The following SMYD3 variants were observed in gnomAD, a reference collection of about 807,000 sequenced individuals.
SMYD3 encodes the protein histone-lysine N-methyltransferase SMYD3.
SMYD3 carries 36 observed loss-of-function variants against 57.7 expected under a neutral mutation model. The observed-to-expected ratio is 0.62, with a 90% CI of 0.48 to 0.82. The LOEUF (loss-of-function observed/expected upper bound fraction) is 0.82. Among genes scored for constraint, SMYD3 ranks in the 40% least tolerant of loss-of-function variants. The probability of loss-of-function intolerance (pLI) is 0.00; values close to 1 mark genes in which losing one functional copy is unlikely to be tolerated. For missense variants in SMYD3, 515 were observed against 538.8 expected (o/e 0.96, Z 0.44); for synonymous variants, 211 against 195.0 (o/e 1.08, Z -0.68).
At chr1:246,266,490 T>A (rs536652414) in intron 5 of SMYD3, among the ~76,000 whole-genome samples, 82 of 152,206 alleles carry the variant, frequency 5.4e-4, no homozygotes, top group Non-Finnish European at 9.8e-4. Flanking sequence ...GTTCCAACGG[T>A]ACCTGGTACA....
chr1:245,974,556 C>CTATGTTATTGTGA (rs1389914869), intron 5 of SMYD3, among the ~76,000 whole-genome samples: 1 of 34,396 alleles, frequency 2.9e-5, no homozygotes, highest in African/African-American at 1.3e-4. Flanking sequence ...CGTCTCCGGC[C>CTATGTTATTGTGA]CAGGGAAAGC....
chr1:245,809,995 A>G (rs1430518853), intron 10 of SMYD3, among the ~76,000 whole-genome samples: 2 of 152,316 alleles, frequency 1.3e-5, no homozygotes, highest in South Asian at 2.1e-4. Context: ...TGGAGCCAAG[A>G]TTTTGGTTTC....
chr1:246,301,469 G>T (rs1216727931), intron 5 of SMYD3, among the ~76,000 whole-genome samples: 1 of 152,094 alleles, frequency 6.6e-6, no homozygotes, highest in East Asian at 1.9e-4. Context: ...AGTGGGAATG[G>T]TTTTCAGGTA....
chr1:246,199,503 T>C (rs993157560), intron 5 of SMYD3, among the ~76,000 whole-genome samples: 1 of 152,234 alleles, frequency 6.6e-6, no homozygotes, highest in African/African-American at 2.4e-5. Context: ...CAGGCTATTT[T>C]AAGTTTTGTT....
chr1:246,232,080 A>G (rs1409497759), intron 5 of SMYD3, among the ~76,000 whole-genome samples: 2 of 152,200 alleles, frequency 1.3e-5, no homozygotes, highest in Non-Finnish European at 2.9e-5. Flanking sequence ...ATAGTTTTTA[A>G]TGCAAATGAG....
chr1:245,822,225 T>G (rs1486551558), intron 10 of SMYD3, among the ~76,000 whole-genome samples: 1 of 151,872 alleles, frequency 6.6e-6, no homozygotes, highest in African/African-American at 2.4e-5. Flanking sequence ...CCATACAAAA[T>G]GATGAGTTCA....
intron 1 of SMYD3, among the ~76,000 whole-genome samples, chr1:246,454,030 C>A (rs1268977902): frequency 6.6e-5 from 10 of 152,048 alleles, no homozygotes; most frequent in Non-Finnish European, 1.5e-5. Flanking sequence ...TTAGGTAATA[C>A]GTGAAGAAAT....
At chr1:246,417,393 G>GT (rs1187386637) in intron 1 of SMYD3, 2 of 152,088 alleles carry the variant, frequency 1.3e-5, no homozygotes, top group Non-Finnish European at 2.9e-5. Context: ...AGGAGGGGAG[G>GT]TATCTCTCAA....
At chr1:246,106,128 A>G (rs1299445867) in intron 5 of SMYD3, among the ~76,000 whole-genome samples, 5 of 152,202 alleles carry the variant, frequency 3.3e-5, no homozygotes, top group African/African-American at 9.7e-5. Context: ...GTGCCTATTC[A>G]TGGAACCATG....
intron 5 of SMYD3, among the ~76,000 whole-genome samples, chr1:246,063,764 C>T (rs1004452258): frequency 6.6e-6 from 1 of 152,020 alleles, no homozygotes; most frequent in African/African-American, 2.4e-5. Context: ...CTCAGCCTCC[C>T]GAGTAGCTGG....
chr1:245,858,439 C>G, intron 10 of SMYD3, 57 bp downstream of exon 10: 1 of 1,519,364 alleles, frequency 6.6e-7, no homozygotes, highest in South Asian at 1.3e-5. Context: ...AACATGGATC[C>G]TTTGCCCAAC....
intron 2 of SMYD3, among the ~76,000 whole-genome samples, chr1:246,346,695 T>C (rs952910334): frequency 4.6e-5 from 7 of 152,090 alleles, no homozygotes. Flanking sequence ...GATTCAATTA[T>C]CTCCACCTGG....
intron 5 of SMYD3, among the ~76,000 whole-genome samples, chr1:246,088,492 C>A (rs1265700587): frequency 7.7e-6 from 1 of 130,288 alleles, no homozygotes; most frequent in Non-Finnish European, 1.5e-5. Flanking sequence ...CGCCTGTAGT[C>A]CCAGCTACTC....
intron 10 of SMYD3, among the ~76,000 whole-genome samples, chr1:245,802,920 GT>G (rs1179362708): frequency 6.6e-6 from 1 of 152,144 alleles, no homozygotes; most frequent in African/African-American, 2.4e-5. Context: ...GTCTTCTCTA[GT>G]TCTGAAATTC....
rs959068807 is a variant in SMYD3, at chr1:246,204,517, A to T, written c.531+122684T>A. Among the ~76,000 whole-genome samples the T allele has an allele frequency of 3.9e-5, 6 of 152,006 alleles. No homozygotes were observed. In the East Asian group the frequency reaches 9.7e-4, roughly 25 times the overall value. ...TTAACTCTTTCTTTAGAACAACCCAATGAAATGGAGGAATGATAAATCAAA... is the reference window on the plus strand; with the variant it reads ...TTAACTCTTTCTTTAGAACAACCCATTGAAATGGAGGAATGATAAATCAAA... On this transcript the variant is annotated intron_variant, in intron 5 of 11. Coordinates refer to ENST00000490107, the MANE Select transcript of SMYD3 (RefSeq NM_001167740.2).
At chr1:246,382,007 T>C (rs2066395048) in intron 1 of SMYD3, among the ~76,000 whole-genome samples, 26 of 132,316 alleles carry the variant, frequency 2.0e-4, no homozygotes, top group African/African-American at 5.6e-4. Context: ...TCCAGGTCAG[T>C]TCCTGTAGCC....
intron 10 of SMYD3, among the ~76,000 whole-genome samples, chr1:245,847,781 G>T (rs370901993): frequency 6.6e-6 from 1 of 152,158 alleles, no homozygotes; most frequent in East Asian, 1.9e-4. Context: ...TATCAGGAAA[G>T]TCAAAGTGCT....
intron 1 of SMYD3, among the ~76,000 whole-genome samples, chr1:246,427,117 G>C (rs2067230315): frequency 6.6e-6 from 1 of 152,112 alleles, no homozygotes; most frequent in South Asian, 2.1e-4. Context: ...AAGAAGGAAA[G>C]AAGCTAGCTA....
At chr1:246,109,826 C>T (rs879406431) in intron 5 of SMYD3, 1 of 152,200 alleles carries the variant, frequency 6.6e-6, no homozygotes, top group Admixed American at 6.5e-5. Context: ...CCCAGTCTTA[C>T]TATGAGGATG....
Sources: allele counts gnomAD v4.1 joint callset (sites outside exome capture counted in the v4.1 genomes callset), GRCh38; gene constraint gnomAD v4.1.1; transcripts MANE v1.5; gene names NCBI Gene and HGNC (gene_info 2026-07-23, HGNC 2026-07-21).